Variants in RAD54B observed in about 807,000 individuals in gnomAD.
RAD54B encodes DNA repair and recombination protein RAD54B.
In RAD54B, 78 loss-of-function variants were observed where a neutral mutation model predicts 95.8. The observed-to-expected ratio is 0.81, with a 90% CI of 0.68 to 0.98. The LOEUF (loss-of-function observed/expected upper bound fraction) is 0.98, where lower values mean the gene tolerates loss of function less well. Among genes scored for constraint, RAD54B ranks in the 50% least tolerant of loss-of-function variants. The probability of loss-of-function intolerance (pLI) is 0.00; values close to 1 mark genes in which losing one functional copy is unlikely to be tolerated. For missense variants in RAD54B, 957 were observed against 1,056.6 expected (o/e 0.91, Z 1.31); for synonymous variants, 328 against 354.9 (o/e 0.92, Z 0.85).
intron 3 of RAD54B, chr8:94,436,657 A>C (rs192571781): frequency 1.3e-6 from 2 of 1,550,552 alleles, no homozygotes; most frequent in East Asian, 4.9e-5. Flanking sequence ...CCTTTTATAA[A>C]GGGTGCGTAG....
intron 3 of RAD54B, among the ~76,000 whole-genome samples, chr8:94,446,690 C>G (rs921819134): frequency 1.3e-5 from 2 of 152,200 alleles, no homozygotes; most frequent in African/African-American, 4.8e-5. Context: ...TTTGTGTCAT[C>G]TGGCCTTCAC....
chr8:94,406,459 A>C (rs1811390375), intron 5 of RAD54B, among the ~76,000 whole-genome samples: 1 of 152,180 alleles, frequency 6.6e-6, no homozygotes, highest in Non-Finnish European at 1.5e-5. Flanking sequence ...ATCAGCTTCC[A>C]CTGCCTGTAT....
chr8:94,404,219 G>A lies in RAD54B; in HGVS notation c.802C>T (p.Pro268Ser). The A allele has an allele frequency of 6.3e-7, 1 of 1,593,556 alleles. No individual in the cohort carries two copies. The highest frequency in any genetic ancestry group is 1.2e-5 in the South Asian group (1 of 86,252). Residue 268 changes from proline (P) to serine (S), a missense_variant, in exon 6 of 15, where the codon CCA becomes TCA. By Grantham distance (74) the Pro-to-Ser change is moderately conservative. Coordinates refer to ENST00000336148, the MANE Select transcript of RAD54B (RefSeq NM_012415.3). ...AATACCCACTGGTGATTCTTATCTG[G>A]TCGTGGCATAACGAGGGAATCTTAA... ...YTPNSLVMPR[P>S]DKNHQWVFNK...
chr8:94,381,105 A>G (rs763773788), intron 11 of RAD54B, among the ~76,000 whole-genome samples: 2 of 148,286 alleles, frequency 1.3e-5, no homozygotes, highest in African/African-American at 2.4e-5. Flanking sequence ...CAGCCTGGAC[A>G]ATAGAGCAAG....
chr8:94,448,469 C>T (rs761586848), intron 3 of RAD54B, among the ~76,000 whole-genome samples: 2 of 152,082 alleles, frequency 1.3e-5, no homozygotes, highest in South Asian at 4.1e-4. Flanking sequence ...TCTTGGCACA[C>T]ACCCAAAGGA....
At chr8:94,389,839 C>T (rs1810973225) in intron 10 of RAD54B, among the ~76,000 whole-genome samples, 1 of 152,104 alleles carries the variant, frequency 6.6e-6, no homozygotes, top group Non-Finnish European at 1.5e-5. Flanking sequence ...GTATCCTATG[C>T]CTATTATTAG....
In RAD54B at chr8:94,404,176, G is replaced by A; in HGVS notation, c.845C>T (p.Pro282Leu). 1 of 1,611,846 alleles carries A rather than the reference G, an allele frequency of 6.2e-7. No homozygotes were observed. The highest frequency in any genetic ancestry group is 8.5e-7 in the Non-Finnish European group (1 of 1,178,504). ...HQWVFNKNCF[P>L]LVDVVIDPYL... ...AGGATCAATCACTACATCCACAAGAGGGAAACAGTTCTTATTGAATACCCA... is the reference window on the plus strand; with the variant it reads ...AGGATCAATCACTACATCCACAAGAAGGAAACAGTTCTTATTGAATACCCA... Residue 282 changes from proline to leucine, a missense_variant, in exon 6 of 15, where the codon CCT becomes CTT. Transcript: ENST00000336148.
intron 8 of RAD54B, 101 bp downstream of exon 8, chr8:94,399,313 A>G: frequency 1.1e-6 from 1 of 901,202 alleles, no homozygotes; most frequent in Non-Finnish European, 1.7e-6. Flanking sequence ...TATAAATTCC[A>G]TCCAACACCA....
At chr8:94,431,710 A>G in intron 3 of RAD54B, 2 of 985,736 alleles carry the variant, frequency 2.0e-6, no homozygotes, top group Non-Finnish European at 1.2e-6. Context: ...AACCAATGTC[A>G]TACAGACAAG....
intron 3 of RAD54B, among the ~76,000 whole-genome samples, chr8:94,451,772 C>A (rs1812659331): frequency 6.6e-6 from 1 of 151,532 alleles, no homozygotes. Flanking sequence ...TAAAAAGTCA[C>A]AAAATAGAAG....
In RAD54B at chr8:94,372,204, A is replaced by G. The variant is rs758501111; in HGVS notation, c.2699T>C (p.Phe900Ser). ...AGTAGCTTGAGTGGTTATATTCTGA[A>G]AAATGAATGACACATTTTCTGTTAT... is the stretch of plus-strand genomic sequence containing the variant. ...ERITENVSFI[F>S]QNITTQATGT The change falls in exon 15 of 15, where the codon TTT (phenylalanine) becomes TCT (serine). Residue 900 changes from phenylalanine (F) to serine (S), a missense_variant. Phe to Ser is a radical substitution (Grantham distance 155, BLOSUM62 -2). Coordinates refer to ENST00000336148, the MANE Select transcript of RAD54B (RefSeq NM_012415.3). 1.2e-5 allele frequency: 19 copies of G among 1,611,100 alleles called. No individual in the cohort carries two copies. In the Admixed American group the frequency reaches 2.4e-4, roughly 20 times the overall value.
chr8:94,407,810 G>T, intron 4 of RAD54B, 90 bp from the exon 5 acceptor site: 1 of 1,091,412 alleles, frequency 9.2e-7, no homozygotes, highest in Non-Finnish European at 1.3e-6. Context: ...CACTTTGAAT[G>T]TAAATAGTCT....
In RAD54B at chr8:94,458,416, G is replaced by A; in HGVS notation, c.156C>T (p.Thr52=). 1 of 1,590,674 alleles carries A rather than the reference G, an allele frequency of 6.3e-7. No homozygotes were observed. The highest frequency in any genetic ancestry group is 8.5e-7 in the Non-Finnish European group (1 of 1,171,860). ...KLFEGVAINN[T]FLPSQNDLRI... is the part of the protein sequence containing the mutation. ...TAAGATCATTTTGTGACGGGAGAAA[G>A]GTGTTATTAATTGCAACACCCTAAA... The change falls in exon 3 of 15, where the codon ACC becomes ACT. Residue 52 remains threonine, a synonymous_variant. Transcript: ENST00000336148.
At chr8:94,447,711 T>C (rs1812556222) in intron 3 of RAD54B, among the ~76,000 whole-genome samples, 1 of 152,216 alleles carries the variant, frequency 6.6e-6, no homozygotes, top group Admixed American at 6.5e-5. Context: ...GGAAATCTTA[T>C]TTAGTGATTC....
At chr8:94,393,505 C>T (rs1043817966) in intron 9 of RAD54B, 3 of 361,286 alleles carry the variant, frequency 8.3e-6, no homozygotes, top group African/African-American at 6.5e-5. Flanking sequence ...TTTTTCAAAA[C>T]TAGTAAAGAT....
intron 14 of RAD54B, among the ~76,000 whole-genome samples, chr8:94,374,246 A>T (rs1250833793): frequency 2.6e-5 from 4 of 151,794 alleles, no homozygotes; most frequent in Admixed American, 6.6e-5. Context: ...GCCACTGCAC[A>T]CTAGCCTGGG....
At chr8:94,453,559 T>C (rs932850745) in intron 3 of RAD54B, among the ~76,000 whole-genome samples, 3 of 152,094 alleles carry the variant, frequency 2.0e-5, no homozygotes, top group Non-Finnish European at 2.9e-5. Context: ...AAGGTAGTTC[T>C]AAATGCATTG....
chr8:94,467,340 T>C, intron 2 of RAD54B, 65 bp downstream of exon 2: 1 of 1,354,126 alleles, frequency 7.4e-7, no homozygotes. Context: ...ACTCTTTAAA[T>C]GGCATTTTCT....
intron 3 of RAD54B, chr8:94,429,636 T>C: frequency 1.0e-6 from 1 of 983,632 alleles, no homozygotes; most frequent in South Asian, 4.7e-5. Context: ...TGGGAAACAT[T>C]ACCTCAAATT....
Sources: allele counts gnomAD v4.1 joint callset (sites outside exome capture counted in the v4.1 genomes callset), GRCh38; gene constraint gnomAD v4.1.1; transcripts MANE v1.5; gene names NCBI Gene and HGNC (gene_info 2026-07-23, HGNC 2026-07-21).